The following ZNF251 variants were observed in gnomAD, a reference collection of about 807,000 sequenced individuals.
ZNF251 encodes zinc finger protein 251.
A neutral mutation model predicts 13.5 loss-of-function variants in ZNF251; 14 were observed. The observed-to-expected ratio is 1.04, with a 90% CI of 0.69 to 1.63. The LOEUF is 1.63. Among genes scored for constraint, ZNF251 ranks in the 40% most tolerant of loss-of-function variants. ZNF251 has a pLI of 0.00. For missense variants in ZNF251, 764 were observed against 834.9 expected, an observed-to-expected ratio of 0.92 and a Z score of 1.05; for synonymous variants, 287 against 295.2, an observed-to-expected ratio of 0.97 and a Z score of 0.28.
At chr8:144,745,468 G>A (rs1025498300) in intron 4 of ZNF251, among the ~76,000 whole-genome samples, 1 of 152,008 alleles carries the variant, frequency 6.6e-6, no homozygotes, top group Non-Finnish European at 1.5e-5. Flanking sequence ...TTTCAATATT[G>A]AGTTGACTAT....
At chr8:144,740,372 C>G (rs1320520753) in intron 4 of ZNF251, among the ~76,000 whole-genome samples, 1 of 151,896 alleles carries the variant, frequency 6.6e-6, no homozygotes, top group East Asian at 1.9e-4. Context: ...CGCAGTGGCT[C>G]ATGCCCGTAA....
At chr8:144,727,388 T>C (rs770378912) in intron 4 of ZNF251, among the ~76,000 whole-genome samples, 2 of 152,234 alleles carry the variant, frequency 1.3e-5, no homozygotes, top group African/African-American at 2.4e-5. Flanking sequence ...CTTCTTGCAA[T>C]AGAAGGCTGT....
At chr8:144,746,847 G>C (rs1170825263) in intron 4 of ZNF251, among the ~76,000 whole-genome samples, 1 of 151,200 alleles carries the variant, frequency 6.6e-6, no homozygotes, top group African/African-American at 2.4e-5. Flanking sequence ...TTAGTATTTT[G>C]TGTCCTCTCT....
intron 4 of ZNF251, among the ~76,000 whole-genome samples, chr8:144,733,030 T>C (rs7832385): frequency 0.26 from 39,386 of 151,694 alleles, 6,133 homozygotes; most frequent in Middle Eastern, 0.34. Context: ...GAGAGCAGCC[T>C]GGCCAACATG....
chr8:144,722,113 C>T lies in ZNF251; in HGVS notation c.1547G>A (p.Arg516His), dbSNP rs201656593. ...QHQKVHSGET[R>H]KCRKHGPAFV... ...GGCTGGACCATGTTTTCTGCACTTACGAGTCTCTCCGCTGTGAACTTTCTG... is the reference window on the plus strand; with the variant it reads ...GGCTGGACCATGTTTTCTGCACTTATGAGTCTCTCCGCTGTGAACTTTCTG... Residue 516 changes from arginine to histidine, a missense_variant, in exon 5 of 5, where the codon CGT becomes CAT. Coordinates refer to ENST00000292562, the MANE Select transcript of ZNF251 (RefSeq NM_138367.2). This position sits in a 1 kb window ranked among gnomAD's most constrained non-coding sequence, Gnocchi z 4.8. The T allele has an allele frequency of 3.9e-5, 63 of 1,613,826 alleles. No homozygotes were observed. The highest frequency in any genetic ancestry group is 6.6e-5 in the South Asian group (6 of 91,078).
intron 4 of ZNF251, among the ~76,000 whole-genome samples, chr8:144,747,097 A>G (rs1263028488): frequency 6.6e-6 from 1 of 152,208 alleles, no homozygotes; most frequent in Non-Finnish European, 1.5e-5. Context: ...CATGCAGTCA[A>G]TGCTATAAAT....
At chr8:144,732,681 A>G (rs149759529) in intron 4 of ZNF251, among the ~76,000 whole-genome samples, 1,528 of 151,694 alleles carry the variant, frequency 0.01, 13 homozygotes, top group Middle Eastern at 0.021. Context: ...GTGTGGTGGC[A>G]GGCACTTATA....
At chr8:144,730,009 A>G in intron 4 of ZNF251, 1 of 984,088 alleles carries the variant, frequency 1.0e-6, no homozygotes, top group South Asian at 4.7e-5. Context: ...CGTTGTTCCC[A>G]GGAGCGGGTG....
At chr8:144,735,434 A>G (rs572093872) in intron 4 of ZNF251, among the ~76,000 whole-genome samples, 1 of 151,920 alleles carries the variant, frequency 6.6e-6, no homozygotes, top group Non-Finnish European at 1.5e-5. Context: ...CAGAGTGAAA[A>G]GGGGGCTGGC....
Position 144,721,570 on chromosome 8 carries a change from A to C in ZNF251, c.*74T>G, listed in dbSNP as rs7834165. On this transcript the variant is annotated 3_prime_UTR_variant, in exon 5 of 5. Transcript: ENST00000292562. ...TTTGCCAGTAATATTTAGACCTTAT[A>C]TATCTTTCATTATGCCATCTTATCT... 7.9e-7 allele frequency: 1 copy of C among 1,263,090 alleles called. No individual in the cohort carries two copies. 78.2% of individuals were successfully genotyped at this position (1,263,090 alleles called of 1,614,324 possible). A position where few individuals can be genotyped will look rare whatever the true frequency, so the allele number is the denominator to read the frequency against.
At chr8:144,740,363 G>A (rs543298826) in intron 4 of ZNF251, among the ~76,000 whole-genome samples, 8 of 151,978 alleles carry the variant, frequency 5.3e-5, no homozygotes, top group African/African-American at 1.9e-4. Flanking sequence ...CAGGCTGGGC[G>A]CAGTGGCTCA....
chr8:144,732,567 C>CT (rs1347696046), intron 4 of ZNF251, among the ~76,000 whole-genome samples: 1 of 152,110 alleles, frequency 6.6e-6, no homozygotes, highest in Admixed American at 6.5e-5. Flanking sequence ...AATCCCAGCA[C>CT]TTGGGGAGGC....
chr8:144,745,954 A>G (rs1824408311), intron 4 of ZNF251, among the ~76,000 whole-genome samples: 1 of 152,146 alleles, frequency 6.6e-6, no homozygotes, highest in Non-Finnish European at 1.5e-5. Flanking sequence ...TCATTTATTT[A>G]GCTCTTCTTT....
chr8:144,739,377 C>T (rs552093238), intron 4 of ZNF251, among the ~76,000 whole-genome samples: 125 of 151,664 alleles, frequency 8.2e-4, no homozygotes, highest in Admixed American at 2.1e-3. Context: ...TCCACTCCCC[C>T]GCCTAAACTA....
At position 144,734,862 on chromosome 8, in the gene ZNF251, T is replaced by C. The variant is rs1823831184; in HGVS notation, c.278-11480A>G. Among the ~76,000 whole-genome samples the C allele has an allele frequency of 6.6e-6, 1 of 151,456 alleles. No individual in the cohort carries two copies. Among genetic ancestry groups the C allele is most frequent in the African/African-American group, 2.4e-5 (1 of 41,182 alleles). ...GCCGAGGTGGGTAGATCACCTGAGG[T>C]CAGGAGTTTGAGACCAGCCTGACCA... On this transcript the variant is annotated intron_variant, in intron 4 of 4. Transcript: ENST00000292562. The surrounding 1 kb of genome is among the most constrained non-coding windows in gnomAD (Gnocchi z 4.4).
intron 4 of ZNF251, among the ~76,000 whole-genome samples, chr8:144,745,525 A>G (rs567054560): frequency 3.0e-4 from 45 of 152,182 alleles, no homozygotes; most frequent in African/African-American, 1.1e-3. Flanking sequence ...CAGTTTGCTA[A>G]TATCCACAGA....
Position 144,755,405 on chromosome 8 carries a change from C to G in ZNF251, c.-76G>C, listed in dbSNP as rs767641577. The G allele has an allele frequency of 1.2e-5, 15 of 1,288,442 alleles. No homozygotes were observed. The highest frequency in any genetic ancestry group is 4.6e-5 in the Admixed American group (2 of 43,580). 79.8% of individuals were successfully genotyped at this position (1,288,442 alleles called of 1,614,324 possible). A position where few individuals can be genotyped will look rare whatever the true frequency, so the allele number is the denominator to read the frequency against. ...CCTTCCTGGTCCGACACTGCCCCAC[C>G]TGTTTGCTCGACCCGGGGAAGCCAC... On this transcript the variant is annotated splice_region_variant and 5_prime_UTR_variant, in exon 1 of 5. Transcript: ENST00000292562.
chr8:144,733,931 A>C (rs1823801430), intron 4 of ZNF251, among the ~76,000 whole-genome samples: 1 of 152,244 alleles, frequency 6.6e-6, no homozygotes, highest in Non-Finnish European at 1.5e-5. Flanking sequence ...CGCCTGGCTG[A>C]CTAAAATCAC....
chr8:144,725,079 T>TCTCGGCTAACCACAAC (rs1376453580), intron 4 of ZNF251, among the ~76,000 whole-genome samples: 1 of 152,156 alleles, frequency 6.6e-6, no homozygotes. Flanking sequence ...AATGGCACGA[T>TCTCGGCTAACCACAAC]CTCGGCTCAC....
Sources: gnomAD v4.1 joint callset for allele counts (sites outside exome capture counted in the v4.1 genomes callset) on GRCh38, gnomAD v4.1.1 for gene constraint, Gnocchi (gnomAD v3.1) non-coding constraint, MANE v1.5 for transcripts, NCBI Gene and HGNC (gene_info 2026-07-23, HGNC 2026-07-21) for gene names.